ZNF75A: variants seen among roughly 807,000 people sequenced by gnomAD.
ZNF75A encodes zinc finger protein 75A.
ZNF75A carries 36 observed loss-of-function variants against 46.3 expected under a neutral mutation model. That is an observed-to-expected ratio of 0.78 (90% CI 0.60 to 1.03). The LOEUF (loss-of-function observed/expected upper bound fraction) is 1.03. Among genes scored for constraint, ZNF75A ranks in the 50% least tolerant of loss-of-function variants. The pLI, the probability that ZNF75A is intolerant of heterozygous loss-of-function variation, is 0.00. For synonymous variants in ZNF75A, 234 were observed against 189.9 expected, an observed-to-expected ratio of 1.23 and a Z score of -1.91; for missense variants, 595 against 551.3, an observed-to-expected ratio of 1.08 and a Z score of -0.79.
In ZNF75A at chr16:3,316,910, A is replaced by C; in HGVS notation, c.824-2A>C. 6.2e-7 allele frequency: 1 copy of C among 1,607,394 alleles called. No homozygotes were observed. The highest frequency in any genetic ancestry group is 8.5e-7 in the Non-Finnish European group (1 of 1,176,184). On this transcript the variant is annotated splice_acceptor_variant, in intron 5 of 6. Transcript: ENST00000669516. LOFTEE classifies it high-confidence loss of function. ...CTTGACCTCATTTTGTCCATTTGAC[A>C]GCATTGTTTGTGCTCCCCAAACCTA...
In ZNF75A at chr16:3,317,001, A is replaced by G. The variant is rs764626000; in HGVS notation, c.913A>G (p.Ser305Gly). Residue 305 changes from serine (S) to glycine (G), a missense_variant, in exon 6 of 7, where the codon AGT becomes GGT. Coordinates refer to ENST00000669516, the MANE Select transcript of ZNF75A (RefSeq NM_001302109.2). Reference protein sequence around the residue: ...WVQVSPEFKDSAGKSPTGLKL... With the variant: ...WVQVSPEFKDGAGKSPTGLKL... ...TCAAGTATCCCCGGAGTTTAAGGAT[A>G]GTGCCGGAAAATCTCCTACAGGTAA... is the stretch of plus-strand genomic sequence containing the variant. 39 of 1,613,874 alleles carry G rather than the reference A, an allele frequency of 2.4e-5. No individual in the cohort carries two copies. The highest frequency in any genetic ancestry group is 3.0e-5 in the Non-Finnish European group (35 of 1,179,902).
At chr16:3,315,854 G>T (rs1312153278) in intron 5 of ZNF75A, 1 of 152,188 alleles carries the variant, frequency 6.6e-6, no homozygotes, top group Non-Finnish European at 1.5e-5. Flanking sequence ...ACCCTCCATG[G>T]TCTGGCTCCT....
downstream of ZNF75A, among the ~76,000 whole-genome samples, chr16:3,322,541 A>G (rs2029982116): frequency 6.6e-6 from 1 of 152,202 alleles, no homozygotes; most frequent in African/African-American, 2.4e-5. Flanking sequence ...GGAATTAAGC[A>G]AGCTACCTTT....
intron 5 of ZNF75A, 119 bp downstream of exon 5, chr16:3,313,294 A>G (rs1450662831): frequency 6.8e-6 from 7 of 1,026,946 alleles, no homozygotes; most frequent in Non-Finnish European, 8.6e-6. Context: ...TCTAGATGGT[A>G]TAGGGGAGGG....
In ZNF75A at chr16:3,309,470, A is replaced by C. The variant is rs1260948448; in HGVS notation, c.408+634A>C. On this transcript the variant is annotated intron_variant, in intron 2 of 6. Coordinates refer to ENST00000669516, the MANE Select transcript of ZNF75A (RefSeq NM_001302109.2). Reference sequence around the variant, plus strand: ...ATCTCACAAAAAAAAAAAAAACAAAAAAAACAAAAAAAAAACGGGCCGGGT... The same window carrying C: ...ATCTCACAAAAAAAAAAAAAACAAACAAAACAAAAAAAAAACGGGCCGGGT... The C allele has an allele frequency of 4.1e-5, 6 of 147,942 alleles. No homozygotes were observed. The East Asian group carries it at 6.4e-4, about 16-fold the overall frequency. The allele number at this position is 147,942 out of a possible 1,614,324, so 9.2% of individuals were successfully genotyped here.
downstream of ZNF75A, chr16:3,323,288 C>T (rs764105774): frequency 2.3e-6 from 2 of 881,994 alleles, no homozygotes; most frequent in Non-Finnish European, 3.8e-6. Flanking sequence ...CATGATGGAC[C>T]ACTGAGAGGT....
Position 3,317,187 on chromosome 16 carries a change from C to T in ZNF75A, c.935-3C>T. The T allele has an allele frequency of 6.2e-7, 1 of 1,601,600 alleles. No individual in the cohort carries two copies. Reference sequence around the variant, plus strand: ...AGATGTGTGATTATGTTTATTCCAACAGGGTTAAAGCTCAAAAACGACACT... The same window carrying T: ...AGATGTGTGATTATGTTTATTCCAATAGGGTTAAAGCTCAAAAACGACACT... On this transcript the variant is annotated splice_region_variant and splice_polypyrimidine_tract_variant and intron_variant, in intron 6 of 6. Coordinates refer to ENST00000669516, the MANE Select transcript of ZNF75A (RefSeq NM_001302109.2).
chr16:3,308,670 TC>T lies in ZNF75A; in HGVS notation c.244del (p.His82ThrfsTer16). 1.0e-6 allele frequency: 1 copy of T among 989,966 alleles called. No homozygotes were observed. The highest frequency in any genetic ancestry group is 1.2e-6 in the Non-Finnish European group (1 of 831,478). 61.3% of individuals were successfully genotyped at this position (989,966 alleles called of 1,614,324 possible). A position where few individuals can be genotyped will look rare whatever the true frequency, so the allele number is the denominator to read the frequency against. ...TGTCATCTATGGCTGAAGCCAGAGA[TC>T]CACTCAAAAGAGCAGATACTGGAAC... Reference protein sequence around the residue: ...ELCHLWLKPEIHSKEQILELL... With the variant: ...ELCHLWLKPEXHSKEQILELL... On this transcript the variant is annotated frameshift_variant, in exon 2 of 7. Transcript: ENST00000669516. LOFTEE classifies it high-confidence loss of function.
intron 1 of ZNF75A, 82 bp downstream of exon 1, chr16:3,305,725 C>T (rs1279340434): frequency 1.3e-5 from 2 of 152,276 alleles, no homozygotes; most frequent in Non-Finnish European, 2.9e-5. Flanking sequence ...AGCCATTTTC[C>T]GTAGGCGGTG....
intron 5 of ZNF75A, among the ~76,000 whole-genome samples, chr16:3,314,443 T>C (rs918820999): frequency 6.6e-6 from 1 of 152,122 alleles, no homozygotes; most frequent in Non-Finnish European, 1.5e-5. Context: ...GAGCATGACC[T>C]TATCTGCCTT....
intron 3 of ZNF75A, 24 bp from the exon 4 acceptor site, chr16:3,312,653 C>A (rs1188177961): frequency 5.5e-5 from 53 of 970,902 alleles, no homozygotes; most frequent in Non-Finnish European, 6.5e-5. Flanking sequence ...AAAGAGATTT[C>A]TTCTGGCTCT....
downstream of ZNF75A, among the ~76,000 whole-genome samples, chr16:3,319,040 G>T (rs997706994): frequency 6.6e-6 from 1 of 152,152 alleles, no homozygotes; most frequent in Non-Finnish European, 1.5e-5. Flanking sequence ...CTACAGCAGT[G>T]ACTCAGGTGC....
At chr16:3,315,706 C>T (rs1026265327) in intron 5 of ZNF75A, among the ~76,000 whole-genome samples, 2 of 152,216 alleles carry the variant, frequency 1.3e-5, no homozygotes, top group Admixed American at 1.3e-4. Flanking sequence ...TGTCCTCCCA[C>T]AGTCTGTTTT....
rs1333019204 is a variant in ZNF75A at position 3,305,510 on chromosome 16, A to G, written c.-250A>G. ...CTTCCGGCCGGCGCTCTGGCTCTGT[A>G]CCTGGACAGGGCTGCGGTAGGCCAG... On this transcript the variant is annotated 5_prime_UTR_variant, in exon 1 of 7. Transcript: ENST00000669516. 6.6e-6 allele frequency: 1 copy of G among 152,286 alleles called. No individual in the cohort carries two copies. Among genetic ancestry groups the G allele is most frequent in the East Asian group, 1.9e-4 (1 of 5,166 alleles). The allele number at this position is 152,286 out of a possible 1,614,324, so 9.4% of individuals were successfully genotyped here.
Position 3,311,682 on chromosome 16 carries a change from C to T in ZNF75A, c.409-71C>T, listed in dbSNP as rs1487552980. ...ACTACCCACAATGTGGGCTGTACAC[C>T]TGTCGCTCTGCCTCCACCCCCACAA... On this transcript the variant is annotated intron_variant, in intron 2 of 6. Transcript: ENST00000669516. 3.5e-6 allele frequency: 3 copies of T among 851,206 alleles called. No homozygotes were observed. In the African/African-American group the frequency reaches 5.5e-5, roughly 16 times the overall value. The allele number at this position is 851,206 out of a possible 1,614,324, so 52.7% of individuals were successfully genotyped here. A position where few individuals can be genotyped will look rare whatever the true frequency, so the allele number is the denominator to read the frequency against.
At position 3,317,868 on chromosome 16, in the gene ZNF75A, G is replaced by A; in HGVS notation, c.1613G>A (p.Ter538=). Residue 538 remains the stop codon, a stop_retained_variant, in exon 7 of 7, where the codon TGA becomes TAA. Transcript: ENST00000669516. ...CTTAGACACCAGAAACTCCACCTGT[G>A]AAGAGAAGCTTGTCCAGTGTCCTCA... ...SLLRHQKLHL[*] is the part of the protein sequence containing the mutation. 1 of 1,599,646 alleles carries A rather than the reference G, an allele frequency of 6.3e-7. No homozygotes were observed. Among genetic ancestry groups the A allele is most frequent in the Non-Finnish European group, 8.5e-7 (1 of 1,172,424 alleles).
chr16:3,311,680 A>C (rs1023237914), intron 2 of ZNF75A, 73 bp from the exon 3 acceptor site: 1 of 824,506 alleles, frequency 1.2e-6, no homozygotes, highest in Non-Finnish European at 1.5e-6. Context: ...TGGGCTGTAC[A>C]CCTGTCGCTC....
chr16:3,317,541 C>A lies in ZNF75A; in HGVS notation c.1286C>A (p.Pro429His). The A allele has an allele frequency of 6.2e-7, 1 of 1,613,998 alleles. No homozygotes were observed. Among genetic ancestry groups the A allele is most frequent in the Non-Finnish European group, 8.5e-7 (1 of 1,179,982 alleles). The change falls in exon 7 of 7, where the codon CCC becomes CAC. Residue 429 changes from proline to histidine, a missense_variant. By Grantham distance (77) the Pro-to-His change is moderately conservative. Transcript: ENST00000669516. ...KHQRIHTEEK[P>H]YKCQQCDKRF... ...CAAAGAATTCACACTGAAGAGAAAC[C>A]CTATAAATGTCAACAGTGTGATAAG...
Position 3,317,751 on chromosome 16 carries a change from C to T in ZNF75A, c.1496C>T (p.Ser499Phe), listed in dbSNP as rs1596402739. The part of the protein sequence containing the change: ...HECGKKFSQN[S>F]HLIKHRRTHT... ...TGTGGAAAAAAATTCAGTCAGAACTCCCACCTTATTAAACACCGGAGAACC... is the reference window on the plus strand; with the variant it reads ...TGTGGAAAAAAATTCAGTCAGAACTTCCACCTTATTAAACACCGGAGAACC... The change falls in exon 7 of 7, where the codon TCC becomes TTC. Residue 499 changes from serine to phenylalanine, a missense_variant. By Grantham distance (155) the Ser-to-Phe change is radical (BLOSUM62 -2). Transcript: ENST00000669516. 6.2e-7 allele frequency: 1 copy of T among 1,614,176 alleles called. No individual in the cohort carries two copies. Among genetic ancestry groups the T allele is most frequent in the East Asian group, 2.2e-5 (1 of 44,886 alleles).
Sources: allele counts gnomAD v4.1 joint callset (sites outside exome capture counted in the v4.1 genomes callset), GRCh38; gene constraint gnomAD v4.1.1; transcripts MANE v1.5; gene names NCBI Gene and HGNC (gene_info 2026-07-23, HGNC 2026-07-21).